The following PSD3 variants were observed in gnomAD, a reference collection of about 807,000 sequenced individuals.
PSD3 encodes PH and SEC7 domain-containing protein 3.
Under a neutral mutation model 105.5 loss-of-function variants are expected in PSD3, and 49 were observed. The observed-to-expected ratio is 0.46, with a 90% CI of 0.37 to 0.59. The LOEUF (loss-of-function observed/expected upper bound fraction) is 0.59, where lower values mean the gene tolerates loss of function less well. Among genes scored for constraint, PSD3 ranks in the 20% least tolerant of loss-of-function variants. PSD3 has a pLI of 0.00. For missense variants in PSD3, 1,561 were observed against 1,263.8 expected (o/e 1.24, Z -3.57); for synonymous variants, 557 against 457.8 (o/e 1.22, Z -2.77).
chr8:18,534,839 A>G lies in PSD3; in HGVS notation c.*904T>C, dbSNP rs915036819. 2.6e-5 allele frequency: 4 copies of G among 152,572 alleles called. No homozygotes were observed. The highest frequency in any genetic ancestry group is 9.7e-5 in the African/African-American group (4 of 41,412). 9.5% of individuals were successfully genotyped at this position (152,572 alleles called of 1,614,324 possible). On this transcript the variant is annotated 3_prime_UTR_variant, in exon 16 of 16. Transcript: ENST00000327040. ...CACGCACGCACACACACATATGTAGAGTAAGAAAAATCTATTCCTGGATGG... is the reference window on the plus strand; with the variant it reads ...CACGCACGCACACACACATATGTAGGGTAAGAAAAATCTATTCCTGGATGG...
intron 1 of PSD3, among the ~76,000 whole-genome samples, chr8:19,001,136 C>CTGGAATG (rs1826361838): frequency 6.6e-6 from 1 of 151,182 alleles, no homozygotes; most frequent in Non-Finnish European, 1.5e-5. Flanking sequence ...GCTCTGTCAC[C>CTGGAATG]CAGACTGGAA....
intron 1 of PSD3, among the ~76,000 whole-genome samples, chr8:19,028,570 C>T (rs565354171): frequency 6.6e-6 from 1 of 152,154 alleles, no homozygotes; most frequent in South Asian, 2.1e-4. Context: ...TGTAAGAATT[C>T]TTTATACATC....
intron 15 of PSD3, among the ~76,000 whole-genome samples, chr8:18,548,150 G>T (rs1800558910): frequency 6.6e-6 from 1 of 152,018 alleles, no homozygotes. Flanking sequence ...TCCAGAATTT[G>T]TTTGGGTTGT....
intron 9 of PSD3, among the ~76,000 whole-genome samples, chr8:18,751,612 T>G (rs1388695492): frequency 1.3e-5 from 2 of 149,036 alleles, no homozygotes; most frequent in Non-Finnish European, 2.9e-5. Context: ...AAGGCAGGCT[T>G]AGAGCCCAGC....
intron 2 of PSD3, among the ~76,000 whole-genome samples, chr8:18,926,743 G>A (rs189524306): frequency 1.3e-3 from 199 of 152,254 alleles, no homozygotes; most frequent in African/African-American, 4.2e-3. Context: ...CTCCACACAT[G>A]AAGCAAGCAA....
At chr8:18,960,756 T>C (rs923341542) in intron 1 of PSD3, among the ~76,000 whole-genome samples, 5 of 152,138 alleles carry the variant, frequency 3.3e-5, no homozygotes, top group African/African-American at 1.2e-4. Context: ...CAGCAATTTA[T>C]TTATTTATTT....
chr8:18,852,301 T>C (rs1372796072), intron 4 of PSD3, among the ~76,000 whole-genome samples: 1 of 152,168 alleles, frequency 6.6e-6, no homozygotes, highest in Non-Finnish European at 1.5e-5. Flanking sequence ...GCTAAGCAGC[T>C]TTCACACAGC....
At chr8:19,064,255 C>T (rs982426799) in intron 1 of PSD3, among the ~76,000 whole-genome samples, 1 of 152,130 alleles carries the variant, frequency 6.6e-6, no homozygotes, top group African/African-American at 2.4e-5. Flanking sequence ...TAATTAAAGA[C>T]ACCTTTAGTG....
At chr8:18,911,264 C>T (rs1237109033) in intron 2 of PSD3, among the ~76,000 whole-genome samples, 1 of 152,114 alleles carries the variant, frequency 6.6e-6, no homozygotes, top group East Asian at 1.9e-4. Flanking sequence ...AAAATAAAGC[C>T]AGAGAAGTTA....
chr8:18,905,923 T>C (rs1301746155), intron 2 of PSD3, among the ~76,000 whole-genome samples: 1 of 152,152 alleles, frequency 6.6e-6, no homozygotes, highest in Non-Finnish European at 1.5e-5. Flanking sequence ...AGAAACAAAG[T>C]ATAAATTGGT....
chr8:19,039,378 C>T (rs1828049755), intron 1 of PSD3, among the ~76,000 whole-genome samples: 1 of 152,184 alleles, frequency 6.6e-6, no homozygotes, highest in Non-Finnish European at 1.5e-5. Context: ...CCAGTGACAT[C>T]TCAAGCTCAG....
At chr8:18,705,866 T>G (rs765282146) in intron 9 of PSD3, among the ~76,000 whole-genome samples, 10 of 152,166 alleles carry the variant, frequency 6.6e-5, no homozygotes, top group Non-Finnish European at 1.2e-4. Context: ...ATTTTGTATG[T>G]GGAAAAAGAA....
rs12541811 is a variant in PSD3, at chr8:18,913,125, T to C, written c.130+22909A>G. Among the ~76,000 whole-genome samples the C allele has an allele frequency of 4.9e-3, 499 of 101,642 alleles. 3 individuals are homozygous for C. The highest frequency in any genetic ancestry group is 0.026 in the South Asian group (77 of 2,946). 66.7% of individuals were successfully genotyped at this position (101,642 alleles called of 152,430 possible). A position where few individuals can be genotyped will look rare whatever the true frequency, so the allele number is the denominator to read the frequency against. On this transcript the variant is annotated intron_variant, in intron 2 of 15. Transcript: ENST00000327040. ...CACACACACACACACACACACACAC[T>C]CTCCTTCTCCTATTTCAATGCATTC...
intron 8 of PSD3, among the ~76,000 whole-genome samples, chr8:18,770,547 C>T (rs2129444241): frequency 6.6e-6 from 1 of 152,308 alleles, no homozygotes; most frequent in South Asian, 2.1e-4. Context: ...TCACTCAAAT[C>T]TGCTGTGTTC....
chr8:19,071,211 C>G (rs1389269299), intron 1 of PSD3, among the ~76,000 whole-genome samples: 2 of 152,084 alleles, frequency 1.3e-5, no homozygotes, highest in Admixed American at 6.5e-5. Context: ...AGGTGTGCAC[C>G]ACCATGCCCG....
chr8:18,860,905 T>C (rs908273727), intron 4 of PSD3, among the ~76,000 whole-genome samples: 1 of 152,208 alleles, frequency 6.6e-6, no homozygotes, highest in East Asian at 1.9e-4. Context: ...CTGTTATCAT[T>C]TGATGCCATT....
chr8:18,823,845 T>C (rs2129449682), intron 4 of PSD3, among the ~76,000 whole-genome samples: 1 of 151,014 alleles, frequency 6.6e-6, no homozygotes, highest in Non-Finnish European at 1.5e-5. Flanking sequence ...TGTTTCCTAA[T>C]ACGCTGACAA....
intron 11 of PSD3, among the ~76,000 whole-genome samples, chr8:18,620,352 T>TTTTG (rs1806023044): frequency 9.3e-6 from 1 of 107,082 alleles, no homozygotes; most frequent in African/African-American, 3.3e-5. Flanking sequence ...GTTTTTTTTT[T>TTTTG]TTTTTTTTCC....
chr8:18,761,286 G>T (rs1806514742), intron 9 of PSD3, among the ~76,000 whole-genome samples: 1 of 152,186 alleles, frequency 6.6e-6, no homozygotes, highest in Non-Finnish European at 1.5e-5. Flanking sequence ...GCTAAAAAGG[G>T]ATGGTGGGTA....
Sources: allele counts gnomAD v4.1 joint callset (sites outside exome capture counted in the v4.1 genomes callset), GRCh38; gene constraint gnomAD v4.1.1; transcripts MANE v1.5; gene names NCBI Gene and HGNC (gene_info 2026-07-23, HGNC 2026-07-21).